TLL2: variants seen among roughly 807,000 people sequenced by gnomAD.
TLL2 encodes tolloid like 2.
TLL2 carries 106 observed loss-of-function variants against 123.0 expected under a neutral mutation model. The ratio of observed to expected loss-of-function variants is 0.86; its 90% CI spans 0.74 to 1.01. The LOEUF is 1.01. TLL2 is among the 50% of genes least tolerant of loss of function. The probability of loss-of-function intolerance (pLI) is 0.00; values close to 1 mark genes in which losing one functional copy is unlikely to be tolerated. For missense variants in TLL2, 1,332 were observed against 1,336.7 expected (o/e 1.00, Z 0.06); for synonymous variants, 494 against 516.8 (o/e 0.96, Z 0.60).
At chr10:96,374,352 T>TTGGG (rs1165742054) in intron 18 of TLL2, 8 of 163,256 alleles carry the variant, frequency 4.9e-5, no homozygotes, top group African/African-American at 9.6e-5. Flanking sequence ...TTGCCCAAGG[T>TTGGG]CACATACTGA....
chr10:96,426,535 T>C (rs1846679208), intron 5 of TLL2, among the ~76,000 whole-genome samples: 1 of 152,220 alleles, frequency 6.6e-6, no homozygotes, highest in African/African-American at 2.4e-5. Context: ...ACTCTGGGTC[T>C]GGTGCTTTGT....
At chr10:96,373,390 C>T (rs1846102877) in intron 19 of TLL2, 1 of 508,318 alleles carries the variant, frequency 2.0e-6, no homozygotes, top group Admixed American at 3.3e-5. Flanking sequence ...ATCCGCCTGC[C>T]TCGGCCTCCC....
chr10:96,502,056 T>C (rs1297744800), intron 1 of TLL2, among the ~76,000 whole-genome samples: 1 of 152,172 alleles, frequency 6.6e-6, no homozygotes, highest in Non-Finnish European at 1.5e-5. Flanking sequence ...GGGGACCTGA[T>C]TGAGACTGGG....
chr10:96,491,393 AAAAAAG>A (rs1454873986), intron 1 of TLL2, among the ~76,000 whole-genome samples: 3 of 151,502 alleles, frequency 2.0e-5, no homozygotes, highest in African/African-American at 4.9e-5. Flanking sequence ...AAAAAAAAAA[AAAAAAG>A]AAAAGAAAAG....
At chr10:96,453,238 G>A (rs1026746602) in intron 2 of TLL2, among the ~76,000 whole-genome samples, 13 of 152,088 alleles carry the variant, frequency 8.5e-5, no homozygotes, top group Admixed American at 5.9e-4. Context: ...GGCGGATCAC[G>A]TGAGGTCAGG....
At chr10:96,383,440 T>C (rs1846203283) in intron 16 of TLL2, among the ~76,000 whole-genome samples, 1 of 152,118 alleles carries the variant, frequency 6.6e-6, no homozygotes, top group South Asian at 2.1e-4. Flanking sequence ...ACTGTTCTTG[T>C]GGTGGTGAAT....
At chr10:96,382,024 G>A (rs1369256713) in intron 16 of TLL2, among the ~76,000 whole-genome samples, 1 of 152,122 alleles carries the variant, frequency 6.6e-6, no homozygotes, top group Non-Finnish European at 1.5e-5. Flanking sequence ...CAGTTTGCAA[G>A]GCTCAGTGCA....
chr10:96,409,343 T>C (rs1846479811), intron 9 of TLL2, among the ~76,000 whole-genome samples: 1 of 152,198 alleles, frequency 6.6e-6, no homozygotes, highest in Non-Finnish European at 1.5e-5. Context: ...TGAGACATGC[T>C]ATAACAGGTA....
intron 20 of TLL2, among the ~76,000 whole-genome samples, chr10:96,368,758 T>C (rs1846051808): frequency 6.6e-6 from 1 of 152,178 alleles, no homozygotes; most frequent in South Asian, 2.1e-4. Context: ...ATGGAGCCAC[T>C]ATATTGGTCA....
intron 3 of TLL2, among the ~76,000 whole-genome samples, chr10:96,441,759 C>G (rs962290158): frequency 1.3e-5 from 2 of 152,056 alleles, no homozygotes; most frequent in Non-Finnish European, 2.9e-5. Flanking sequence ...ACAATGGCTA[C>G]GAAAGTCTGC....
intron 1 of TLL2, 60 bp from the exon 2 acceptor site, chr10:96,480,519 C>T (rs1847302369): frequency 3.7e-6 from 5 of 1,359,568 alleles, no homozygotes; most frequent in Non-Finnish European, 4.2e-6. Flanking sequence ...AATGGATTCA[C>T]TAATGCCCCA....
chr10:96,482,777 G>A (rs557100358), intron 1 of TLL2, among the ~76,000 whole-genome samples: 29 of 152,182 alleles, frequency 1.9e-4, no homozygotes, highest in African/African-American at 6.5e-4. Flanking sequence ...TACTAAAATC[G>A]CATGTACACT....
intron 2 of TLL2, among the ~76,000 whole-genome samples, chr10:96,464,611 T>C (rs2134096103): frequency 6.6e-6 from 1 of 152,148 alleles, no homozygotes; most frequent in Admixed American, 6.5e-5. Context: ...AACTGTAAGC[T>C]CCCTGGAGGC....
chr10:96,434,415 C>T (rs1241243550), intron 3 of TLL2, among the ~76,000 whole-genome samples: 1 of 152,198 alleles, frequency 6.6e-6, no homozygotes, highest in Non-Finnish European at 1.5e-5. Flanking sequence ...TTTGCCTATT[C>T]TGGACATTTC....
chr10:96,408,834 C>T (rs1321964372), intron 9 of TLL2, among the ~76,000 whole-genome samples: 1 of 152,182 alleles, frequency 6.6e-6, no homozygotes, highest in East Asian at 1.9e-4. Context: ...AGTCCAATTG[C>T]CTGGGTTCAA....
intron 1 of TLL2, among the ~76,000 whole-genome samples, chr10:96,483,612 T>C (rs1427018548): frequency 6.6e-6 from 1 of 152,160 alleles, no homozygotes; most frequent in African/African-American, 2.4e-5. Context: ...TGACTTAGTA[T>C]AGAGATGATC....
At chr10:96,376,920 T>C in intron 17 of TLL2, 101 bp from the exon 18 acceptor site, 1 of 1,302,510 alleles carries the variant, frequency 7.7e-7, no homozygotes, top group Middle Eastern at 2.9e-4. Context: ...CCTAATTGTC[T>C]CAGGGTCTTT....
At chr10:96,508,067 G>A (rs1250515012) in intron 1 of TLL2, among the ~76,000 whole-genome samples, 1 of 152,208 alleles carries the variant, frequency 6.6e-6, no homozygotes, top group East Asian at 1.9e-4. Context: ...CCAGAGAGAT[G>A]GCAGCTCACA....
chr10:96,474,838 G>A (rs1034141022), intron 2 of TLL2, among the ~76,000 whole-genome samples: 7 of 152,162 alleles, frequency 4.6e-5, no homozygotes, highest in African/African-American at 1.4e-4. Context: ...TGCTCTAGGG[G>A]AGAATCCACC....
Sources: gnomAD v4.1 joint callset for allele counts (sites outside exome capture counted in the v4.1 genomes callset) on GRCh38, gnomAD v4.1.1 for gene constraint, MANE v1.5 for transcripts, NCBI Gene and HGNC (gene_info 2026-07-23, HGNC 2026-07-21) for gene names.